Variants in ZSCAN25 observed in about 807,000 individuals in gnomAD.
The protein encoded by ZSCAN25 is zinc finger and SCAN domain containing 25.
ZSCAN25 carries 27 observed loss-of-function variants against 38.7 expected under a neutral mutation model. That is an observed-to-expected ratio of 0.70 (90% CI 0.51 to 0.96). The LOEUF (loss-of-function observed/expected upper bound fraction) is 0.96, where lower values mean the gene tolerates loss of function less well. ZSCAN25 is among the 40% of genes least tolerant of loss of function. The pLI, the probability that ZSCAN25 is intolerant of heterozygous loss-of-function variation, is 0.00. For missense variants in ZSCAN25, 637 were observed against 705.9 expected, an observed-to-expected ratio of 0.90 and a Z score of 1.11; for synonymous variants, 273 against 277.7, an observed-to-expected ratio of 0.98 and a Z score of 0.17.
At position 99,630,294 on chromosome 7, in the gene ZSCAN25, T is replaced by G; in HGVS notation, c.*274T>G. ...GCTGAGATTTTCTCCTTCAGTGGAC[T>G]GTCTGTGTCCCCCTGCCGAACAAAG... On this transcript the variant is annotated 3_prime_UTR_variant, in exon 8 of 8. Coordinates refer to ENST00000394152, the MANE Select transcript of ZSCAN25 (RefSeq NM_145115.3). 1 of 1,250,942 alleles carries G rather than the reference T, an allele frequency of 8.0e-7. No individual in the cohort carries two copies. Among genetic ancestry groups the G allele is most frequent in the Non-Finnish European group, 1.0e-6 (1 of 995,870 alleles). 77.5% of individuals were successfully genotyped at this position (1,250,942 alleles called of 1,614,324 possible). A position where few individuals can be genotyped will look rare whatever the true frequency, so the allele number is the denominator to read the frequency against.
At chr7:99,693,521 G>A in the ZSCAN25 span, among the ~76,000 whole-genome samples, 3,029 of 152,380 alleles carry the variant, frequency 0.02, 58 homozygotes, top group Non-Finnish European at 0.027. Flanking sequence ...GGAATCTACA[G>A]AGGCAGTAGG....
chr7:99,697,831 G>T, the ZSCAN25 span, among the ~76,000 whole-genome samples: 2 of 152,294 alleles, frequency 1.3e-5, no homozygotes, highest in South Asian at 2.1e-4. Flanking sequence ...TGAAACCAGG[G>T]TGGCCTTGGG....
chr7:99,700,032 C>T, the ZSCAN25 span: 204 of 1,607,762 alleles, frequency 1.3e-4, 2 homozygotes, highest in African/African-American at 2.5e-3. Flanking sequence ...GGATGAGGTC[C>T]ATCGCCACTT....
the ZSCAN25 span, chr7:99,638,486 G>A: frequency 1.3e-6 from 2 of 1,507,276 alleles, no homozygotes; most frequent in Middle Eastern, 1.7e-4. Flanking sequence ...CATCGGTGCG[G>A]TGGCAGTCGG....
chr7:99,667,610 T>C, the ZSCAN25 span, among the ~76,000 whole-genome samples: 1 of 152,236 alleles, frequency 6.6e-6, no homozygotes, highest in East Asian at 1.9e-4. Flanking sequence ...CTCTTAATTT[T>C]TTATTCCATA....
At chr7:99,625,451 G>A (rs1368139448) in intron 7 of ZSCAN25, among the ~76,000 whole-genome samples, 3 of 152,212 alleles carry the variant, frequency 2.0e-5, no homozygotes, top group Non-Finnish European at 4.4e-5. Flanking sequence ...GAGGCCATGT[G>A]CATGTAATAG....
the ZSCAN25 span, among the ~76,000 whole-genome samples, chr7:99,694,270 C>T: frequency 1.3e-5 from 2 of 152,118 alleles, no homozygotes; most frequent in African/African-American, 4.8e-5. Context: ...TTCATCAGCT[C>T]GCTCTAGAAT....
At chr7:99,707,218 C>A in the ZSCAN25 span, among the ~76,000 whole-genome samples, 1 of 152,282 alleles carries the variant, frequency 6.6e-6, no homozygotes, top group East Asian at 1.9e-4. Flanking sequence ...GTAAGGATGG[C>A]CTTGGACTGT....
the ZSCAN25 span, among the ~76,000 whole-genome samples, chr7:99,639,595 G>A: frequency 2.6e-4 from 39 of 152,292 alleles, no homozygotes; most frequent in African/African-American, 9.1e-4. Flanking sequence ...TAAGGGCATT[G>A]CAGCCAATTA....
chr7:99,695,309 G>C, the ZSCAN25 span, among the ~76,000 whole-genome samples: 126 of 152,236 alleles, frequency 8.3e-4, no homozygotes, highest in African/African-American at 3.0e-3. Flanking sequence ...AGGAGGTAGG[G>C]GAAAAAGGCT....
the ZSCAN25 span, among the ~76,000 whole-genome samples, chr7:99,691,107 G>A: frequency 3.9e-5 from 6 of 152,150 alleles, no homozygotes; most frequent in Admixed American, 3.9e-4. Context: ...GGAATACTAT[G>A]CAGCCATAAA....
In ZSCAN25 at chr7:99,632,133, C is replaced by G; in HGVS notation, c.*2113C>G. 1 of 985,450 alleles carries G rather than the reference C, an allele frequency of 1.0e-6. No individual in the cohort carries two copies. Among genetic ancestry groups the G allele is most frequent in the Non-Finnish European group, 1.2e-6 (1 of 829,940 alleles). The allele number at this position is 985,450 out of a possible 1,614,324, so 61.0% of individuals were successfully genotyped here. A position where few individuals can be genotyped will look rare whatever the true frequency, so the allele number is the denominator to read the frequency against. The stretch of plus-strand genomic sequence containing the variant: ...GGCATATCTTAAGCTTCAGAAGGAG[C>G]TGGGCCTTGCTGACTTTCCTATCTG... On this transcript the variant is annotated 3_prime_UTR_variant, in exon 8 of 8. Transcript: ENST00000394152.
chr7:99,653,703 C>T, the ZSCAN25 span, among the ~76,000 whole-genome samples: 1 of 152,138 alleles, frequency 6.6e-6, no homozygotes, highest in African/African-American at 2.4e-5. The surrounding 1 kb of genome is among the most constrained non-coding windows in gnomAD (Gnocchi z 4.2). Flanking sequence ...TTTGTGTCTG[C>T]CTCACAGCCA....
the ZSCAN25 span, among the ~76,000 whole-genome samples, chr7:99,691,153 T>C: frequency 6.6e-6 from 1 of 152,124 alleles, no homozygotes; most frequent in Admixed American, 6.5e-5. Flanking sequence ...GGGACATGGA[T>C]GAAGGTGGAA....
the ZSCAN25 span, chr7:99,638,387 G>C: frequency 6.9e-6 from 11 of 1,596,102 alleles, no homozygotes; most frequent in Middle Eastern, 1.7e-4. Flanking sequence ...TCATGGCATC[G>C]GGCAGGTCCT....
chr7:99,720,319 G>A, the ZSCAN25 span: 46 of 1,612,712 alleles, frequency 2.9e-5, no homozygotes, highest in Non-Finnish European at 3.6e-5. Context: ...TTACCCTCCG[G>A]TTTGTGAAGA....
the ZSCAN25 span, among the ~76,000 whole-genome samples, chr7:99,688,375 G>C: frequency 4.6e-5 from 7 of 152,150 alleles, no homozygotes; most frequent in Non-Finnish European, 7.3e-5. Flanking sequence ...TGGAATCCTA[G>C]TCTCTGATAA....
the ZSCAN25 span, among the ~76,000 whole-genome samples, chr7:99,685,969 G>A: frequency 2.5e-4 from 38 of 152,108 alleles, no homozygotes; most frequent in African/African-American, 9.2e-4. Context: ...TAAATGCATG[G>A]CATTATCTCC....
the ZSCAN25 span, among the ~76,000 whole-genome samples, chr7:99,690,954 A>G: frequency 6.6e-6 from 1 of 152,216 alleles, no homozygotes; most frequent in Non-Finnish European, 1.5e-5. Context: ...TATATACCCA[A>G]AGGATTATAA....
Sources: allele counts gnomAD v4.1 joint callset (sites outside exome capture counted in the v4.1 genomes callset), GRCh38; gene constraint gnomAD v4.1.1; non-coding constraint Gnocchi (gnomAD v3.1); transcripts MANE v1.5; gene names NCBI Gene and HGNC (gene_info 2026-07-23, HGNC 2026-07-21).